Variants in MDFIC2 observed in about 807,000 individuals in gnomAD.
The protein encoded by MDFIC2 is myoD family inhibitor domain-containing protein 2.
At chr3:70,280,868 AG>A (rs1702075940) in intron 2 of MDFIC2, among the ~76,000 whole-genome samples, 15 of 152,276 alleles carry the variant, frequency 9.9e-5, no homozygotes, top group Admixed American at 7.2e-4. Context: ...GACGCTGCAC[AG>A]AAAGTCCAAG....
At chr3:70,257,707 A>G (rs761610138) in intron 2 of MDFIC2, among the ~76,000 whole-genome samples, 1 of 152,174 alleles carries the variant, frequency 6.6e-6, no homozygotes, top group Non-Finnish European at 1.5e-5. Flanking sequence ...GCATCGGAAG[A>G]CTCAATACTG....
chr3:70,213,700 A>C (rs1297042805), intron 2 of MDFIC2, among the ~76,000 whole-genome samples: 1 of 152,102 alleles, frequency 6.6e-6, no homozygotes, highest in Non-Finnish European at 1.5e-5. Flanking sequence ...GTTAGAGGTG[A>C]TTTTTGTTGT....
At chr3:70,241,046 T>C (rs917994004) in intron 2 of MDFIC2, among the ~76,000 whole-genome samples, 1 of 152,184 alleles carries the variant, frequency 6.6e-6, no homozygotes, top group African/African-American at 2.4e-5. Context: ...ACCAATTTAC[T>C]GTCACAGTGT....
intron 2 of MDFIC2, among the ~76,000 whole-genome samples, chr3:70,254,315 C>T (rs1241394506): frequency 6.6e-6 from 1 of 152,110 alleles, no homozygotes; most frequent in Admixed American, 6.6e-5. Flanking sequence ...ATCTCAACCC[C>T]AAACATTCTA....
Position 70,199,820 on chromosome 3 carries a change from G to T in MDFIC2, c.311-2635C>A, listed in dbSNP as rs149381142. 3.6e-3 allele frequency among the ~76,000 whole-genome samples: 551 copies of T among 152,150 alleles called. 1 individual carries two copies. Among genetic ancestry groups the T allele is most frequent in the African/African-American group, 0.012 (494 of 41,528 alleles). On this transcript the variant is annotated intron_variant, in intron 3 of 3. Coordinates refer to ENST00000567252, the MANE Select transcript of MDFIC2 (RefSeq NM_001364677.1). Reference sequence around the variant, plus strand: ...TATTCAAAGTCCTATCCCAGGATTCGCACCCCTTCTCTCAGCCCATCCAAA... The same window carrying T: ...TATTCAAAGTCCTATCCCAGGATTCTCACCCCTTCTCTCAGCCCATCCAAA...
At chr3:70,305,850 G>A (rs772482178) in intron 2 of MDFIC2, among the ~76,000 whole-genome samples, 6 of 152,172 alleles carry the variant, frequency 3.9e-5, no homozygotes, top group Non-Finnish European at 7.4e-5. Flanking sequence ...TTAGGAATGA[G>A]ATGAGATTTT....
At position 70,196,994 on chromosome 3, in the gene MDFIC2, C is replaced by T. The variant is rs1321640766; in HGVS notation, c.502G>A (p.Glu168Lys). 2.5e-6 allele frequency: 1 copy of T among 398,410 alleles called. No homozygotes were observed. The highest frequency in any genetic ancestry group is 4.4e-6 in the Non-Finnish European group (1 of 226,028). 24.7% of individuals were successfully genotyped at this position (398,410 alleles called of 1,614,324 possible). Reference sequence around the variant, plus strand: ...CACTCGCTGGTCTCATGGCAAGATTCAAAAAGGCTGCAGTCCATGTCACAA... The same window carrying T: ...CACTCGCTGGTCTCATGGCAAGATTTAAAAAGGCTGCAGTCCATGTCACAA... Reference protein sequence around the residue: ...CNCDMDCSLFESCHETSECLE... With the variant: ...CNCDMDCSLFKSCHETSECLE... The change falls in exon 4 of 4, where the codon GAA becomes AAA. Residue 168 changes from glutamate (E) to lysine (K), a missense_variant. Transcript: ENST00000567252.
At chr3:70,210,073 G>C (rs1020327860) in intron 2 of MDFIC2, among the ~76,000 whole-genome samples, 2 of 152,028 alleles carry the variant, frequency 1.3e-5, no homozygotes, top group African/African-American at 4.8e-5. Flanking sequence ...AATTGCTTTT[G>C]CACAAAGTAA....
At chr3:70,307,367 A>G (rs918916981) in intron 2 of MDFIC2, among the ~76,000 whole-genome samples, 2 of 152,184 alleles carry the variant, frequency 1.3e-5, no homozygotes, top group Non-Finnish European at 2.9e-5. Flanking sequence ...AATGGCAACA[A>G]TTTAAGGGCT....
intron 2 of MDFIC2, among the ~76,000 whole-genome samples, chr3:70,285,828 A>T (rs1702156495): frequency 6.6e-6 from 1 of 152,154 alleles, no homozygotes; most frequent in African/African-American, 2.4e-5. Flanking sequence ...GCATTTAATC[A>T]TGTGTTTTTT....
At chr3:70,294,020 G>A (rs927080914) in intron 2 of MDFIC2, among the ~76,000 whole-genome samples, 2 of 152,054 alleles carry the variant, frequency 1.3e-5, no homozygotes, top group African/African-American at 4.8e-5. Context: ...ACAGCTGGGT[G>A]TATTTTAATA....
rs1330531476 is a variant in MDFIC2, at chr3:70,251,378, A to AT, written c.89-44589dup. Among the ~76,000 whole-genome samples, 6 of 152,222 alleles carry AT rather than the reference A, an allele frequency of 3.9e-5. No individual in the cohort carries two copies. The East Asian group carries it at 9.7e-4, about 24-fold the overall frequency. ...TATGCCATAATAGGGGGACTATCTG[A>AT]TTTTTTTATCTGACTATGCATCCCA... is the stretch of plus-strand genomic sequence containing the variant. On this transcript the variant is annotated intron_variant, in intron 2 of 3. Transcript: ENST00000567252.
chr3:70,296,834 T>A (rs925104832), intron 2 of MDFIC2, among the ~76,000 whole-genome samples: 5 of 152,230 alleles, frequency 3.3e-5, no homozygotes, highest in African/African-American at 7.2e-5. Flanking sequence ...GTGGTTTTTT[T>A]AAAAGGCATA....
intron 2 of MDFIC2, among the ~76,000 whole-genome samples, chr3:70,280,153 T>C (rs980840716): frequency 1.3e-5 from 2 of 152,140 alleles, no homozygotes; most frequent in African/African-American, 2.4e-5. Flanking sequence ...TCCTGACCTG[T>C]GACTGCTGCA....
intron 2 of MDFIC2, among the ~76,000 whole-genome samples, chr3:70,298,829 C>T (rs542603018): frequency 1.3e-5 from 2 of 152,234 alleles, no homozygotes; most frequent in East Asian, 3.9e-4. Context: ...ATCAGAATAC[C>T]TGGCTTGGGA....
chr3:70,251,015 T>C (rs933245075), intron 2 of MDFIC2, among the ~76,000 whole-genome samples: 26 of 152,220 alleles, frequency 1.7e-4, no homozygotes, highest in African/African-American at 6.0e-4. Context: ...GAAATCACCA[T>C]TTAAACGCCT....
intron 2 of MDFIC2, among the ~76,000 whole-genome samples, chr3:70,284,473 C>A (rs905523526): frequency 6.6e-6 from 1 of 152,046 alleles, no homozygotes; most frequent in Non-Finnish European, 1.5e-5. Flanking sequence ...CATTTACTCA[C>A]ACAGCAAAGA....
At position 70,267,435 on chromosome 3, in the gene MDFIC2, C is replaced by T. The variant is rs1410584443; in HGVS notation, c.88+44451G>A. ...TTTTTTTTTTTGAGCGGGAGTCTCGCTCTGTCACCCAGGCTGGTGTGCAGT... is the reference window on the plus strand; with the variant it reads ...TTTTTTTTTTTGAGCGGGAGTCTCGTTCTGTCACCCAGGCTGGTGTGCAGT... On this transcript the variant is annotated intron_variant, in intron 2 of 3. Coordinates refer to ENST00000567252, the MANE Select transcript of MDFIC2 (RefSeq NM_001364677.1). 3.4e-5 allele frequency among the ~76,000 whole-genome samples: 4 copies of T among 116,668 alleles called. No individual in the cohort carries two copies. In the Admixed American group the frequency reaches 5.1e-4, roughly 15 times the overall value. The allele number at this position is 116,668 out of a possible 152,430, so 76.5% of individuals were successfully genotyped here. A position where few individuals can be genotyped will look rare whatever the true frequency, so the allele number is the denominator to read the frequency against.
At chr3:70,275,872 TTTAA>T (rs1195084536) in intron 2 of MDFIC2, among the ~76,000 whole-genome samples, 1 of 152,192 alleles carries the variant, frequency 6.6e-6, no homozygotes, top group Non-Finnish European at 1.5e-5. Context: ...GTACCGTGTG[TTTAA>T]TTAGGCAATA....
Sources: gnomAD v4.1 joint callset for allele counts (sites outside exome capture counted in the v4.1 genomes callset) on GRCh38, gnomAD v4.1.1 for gene constraint, MANE v1.5 for transcripts, NCBI Gene and HGNC (gene_info 2026-07-23, HGNC 2026-07-21) for gene names.